The following PARVG variants were observed in gnomAD, a reference collection of about 807,000 sequenced individuals.
The protein encoded by PARVG is gamma-parvin.
In PARVG, 36 loss-of-function variants were observed where a neutral mutation model predicts 44.4. That is an observed-to-expected ratio of 0.81 (90% CI 0.62 to 1.07). The LOEUF is 1.07. PARVG is among the 50% of genes least tolerant of loss of function. The pLI, the probability that PARVG is intolerant of heterozygous loss-of-function variation, is 0.00. For synonymous variants in PARVG, 170 were observed against 174.1 expected (o/e 0.98, Z 0.19); for missense variants, 407 against 407.4 (o/e 1.00, Z 0.01).
At position 44,189,195 on chromosome 22, in the gene PARVG, T is replaced by C; in HGVS notation, c.329T>C (p.Leu110Pro). The change falls in exon 6 of 14, where the codon CTG (leucine) becomes CCG (proline). Residue 110 changes from leucine to proline, a missense_variant. Coordinates refer to ENST00000444313, the MANE Select transcript of PARVG (RefSeq NM_022141.7). ...TSQKHKLTVV[L>P]EAVNRSLQLE... ...CAGAAGCACAAGCTCACAGTGGTGC[T>C]GGAGGCCGTGAACCGGAGTCTGCAG... is the stretch of plus-strand genomic sequence containing the variant. The C allele has an allele frequency of 6.2e-7, 1 of 1,614,208 alleles. No individual in the cohort carries two copies. Among genetic ancestry groups the C allele is most frequent in the South Asian group, 1.1e-5 (1 of 91,086 alleles).
Position 44,189,211 on chromosome 22 carries a change from G to A in PARVG, c.345G>A (p.Arg115=). The A allele has an allele frequency of 8.1e-6, 13 of 1,614,256 alleles. No individual in the cohort carries two copies. The highest frequency in any genetic ancestry group is 1.1e-5 in the Non-Finnish European group (13 of 1,180,042). Reference sequence around the variant, plus strand: ...CAGTGGTGCTGGAGGCCGTGAACCGGAGTCTGCAGCTGGAGGAGTGGCAGG... The same window carrying A: ...CAGTGGTGCTGGAGGCCGTGAACCGAAGTCTGCAGCTGGAGGAGTGGCAGG... ...KLTVVLEAVN[R]SLQLEEWQAK... Residue 115 remains arginine (R), a synonymous_variant, in exon 6 of 14, where the codon CGG becomes CGA. Coordinates refer to ENST00000444313, the MANE Select transcript of PARVG (RefSeq NM_022141.7).
upstream of PARVG, among the ~76,000 whole-genome samples, chr22:44,176,586 AT>A (rs139113): frequency 0.37 from 55,236 of 149,204 alleles, 10,678 homozygotes; most frequent in African/African-American, 0.5. Flanking sequence ...AACACATTGG[AT>A]TTTTTTTTTT....
intron 12 of PARVG, among the ~76,000 whole-genome samples, chr22:44,201,965 C>T (rs1454812730): frequency 6.6e-6 from 1 of 152,230 alleles, no homozygotes; most frequent in African/African-American, 2.4e-5. Context: ...CGAAGCAGGC[C>T]CTGTGGCCTT....
intron 6 of PARVG, 119 bp downstream of exon 6, chr22:44,189,373 T>C: frequency 6.9e-7 from 1 of 1,445,176 alleles, no homozygotes; most frequent in Admixed American, 2.2e-5. Context: ...GGGTACAACC[T>C]GGGAGTCAGG....
chr22:44,181,824 CCCCAGAAGAA>C lies in PARVG; in HGVS notation c.-102_-93del, dbSNP rs2054383862. ...TGCCTCCCGGCCTGGTCCCCGAAGA[CCCCAGAAGAA>C]CCCGGAACTTGCTTCCATTCGGAAT... On this transcript the variant is annotated 5_prime_UTR_variant, in exon 2 of 14. Transcript: ENST00000444313. 1.0e-6 allele frequency: 1 copy of C among 985,396 alleles called. No homozygotes were observed. The highest frequency in any genetic ancestry group is 1.7e-5 in the African/African-American group (1 of 57,250). 61.0% of individuals were successfully genotyped at this position (985,396 alleles called of 1,614,324 possible). A position where few individuals can be genotyped will look rare whatever the true frequency, so the allele number is the denominator to read the frequency against.
chr22:44,173,720 C>T (rs1364159793), intron 1 of PARVG, among the ~76,000 whole-genome samples: 3 of 152,180 alleles, frequency 2.0e-5, no homozygotes, highest in Admixed American at 6.5e-5. Flanking sequence ...TCAAAGTCAG[C>T]CATTGTCAGC....
chr22:44,195,514 G>A (rs1364982417), intron 9 of PARVG, among the ~76,000 whole-genome samples: 1 of 152,248 alleles, frequency 6.6e-6, no homozygotes, highest in Non-Finnish European at 1.5e-5. Context: ...AAGGGCATTA[G>A]CCTGAGGACA....
intron 11 of PARVG, among the ~76,000 whole-genome samples, chr22:44,197,423 C>T (rs2054633591): frequency 6.6e-6 from 1 of 152,190 alleles, no homozygotes; most frequent in Admixed American, 6.5e-5. Flanking sequence ...ATTAACTTGT[C>T]TAAAGTCACA....
intron 12 of PARVG, among the ~76,000 whole-genome samples, chr22:44,203,160 C>T (rs1044929743): frequency 4.6e-5 from 7 of 152,122 alleles, no homozygotes; most frequent in African/African-American, 1.4e-4. Context: ...TTTTCAGTGT[C>T]GATAGCAATT....
chr22:44,192,272 G>A, intron 8 of PARVG, 168 bp downstream of exon 8: 2 of 715,608 alleles, frequency 2.8e-6, no homozygotes, highest in Non-Finnish European at 2.3e-6. Flanking sequence ...TCCCACGGCA[G>A]CACACAGGAC....
At chr22:44,195,317 C>G (rs1453109203) in intron 9 of PARVG, among the ~76,000 whole-genome samples, 1 of 152,176 alleles carries the variant, frequency 6.6e-6, no homozygotes, top group African/African-American at 2.4e-5. Flanking sequence ...TTTGGTGCTA[C>G]TTTTCCCCCT....
intron 9 of PARVG, 181 bp from the exon 10 acceptor site, chr22:44,195,974 G>A (rs932371387): frequency 3.1e-6 from 2 of 637,700 alleles, no homozygotes; most frequent in African/African-American, 1.8e-5. Context: ...CTCCCCTGGG[G>A]CCACACGGCC....
intron 6 of PARVG, 106 bp downstream of exon 6, chr22:44,189,360 C>G (rs1039478043): frequency 5.4e-6 from 8 of 1,484,450 alleles, no homozygotes; most frequent in Non-Finnish European, 7.3e-6. Context: ...CTTCTCCCAG[C>G]AGGGGTACAA....
Position 44,206,702 on chromosome 22 carries a change from C to T in PARVG, c.*276C>T. ...CTGAGGAGGGCCCTTAAACCTGCAG[C>T]CTCCCTCCCATGGGGTGAGTGTGTG... On this transcript the variant is annotated 3_prime_UTR_variant, in exon 14 of 14. Coordinates refer to ENST00000444313, the MANE Select transcript of PARVG (RefSeq NM_022141.7). 1 of 439,530 alleles carries T rather than the reference C, an allele frequency of 2.3e-6. No homozygotes were observed. The highest frequency in any genetic ancestry group is 4.2e-6 in the Non-Finnish European group (1 of 240,040). 27.2% of individuals were successfully genotyped at this position (439,530 alleles called of 1,614,324 possible).
At chr22:44,199,902 C>T (rs563385725) in intron 12 of PARVG, among the ~76,000 whole-genome samples, 266 of 152,218 alleles carry the variant, frequency 1.7e-3, no homozygotes, top group African/African-American at 6.0e-3. Context: ...CCACGTGGAC[C>T]CTAGAGGCTG....
At chr22:44,174,002 A>C (rs1468883021) in intron 1 of PARVG, among the ~76,000 whole-genome samples, 1 of 152,214 alleles carries the variant, frequency 6.6e-6, no homozygotes, top group Non-Finnish European at 1.5e-5. Context: ...GATGAGGATA[A>C]AATATTTTCC....
At chr22:44,174,988 G>A (rs1037425218) in intron 1 of PARVG, among the ~76,000 whole-genome samples, 1 of 152,136 alleles carries the variant, frequency 6.6e-6, no homozygotes, top group African/African-American at 2.4e-5. Flanking sequence ...TGGGCGTGGT[G>A]CCAGGCACCT....
chr22:44,200,709 G>A (rs2054695806), intron 12 of PARVG, among the ~76,000 whole-genome samples: 1 of 152,200 alleles, frequency 6.6e-6, no homozygotes, highest in Admixed American at 6.5e-5. Context: ...CCCAGGGCCA[G>A]CCTCTGGGGC....
chr22:44,174,156 C>A (rs912887721), intron 1 of PARVG, among the ~76,000 whole-genome samples: 3 of 151,810 alleles, frequency 2.0e-5, no homozygotes, highest in Non-Finnish European at 4.4e-5. Context: ...GTCCCCTGCC[C>A]TTGAGCTGGT....
Sources: gnomAD v4.1 joint callset for allele counts (sites outside exome capture counted in the v4.1 genomes callset) on GRCh38, gnomAD v4.1.1 for gene constraint, MANE v1.5 for transcripts, NCBI Gene and HGNC (gene_info 2026-07-23, HGNC 2026-07-21) for gene names.